Variants in SCAMP4 observed in about 807,000 individuals in gnomAD.
SCAMP4 encodes secretory carrier membrane protein 4, also known as secretory carrier-associated membrane protein 4.
Under a neutral mutation model 32.1 loss-of-function variants are expected in SCAMP4, and 19 were observed. The observed-to-expected ratio is 0.59, with a 90% CI of 0.41 to 0.87. The LOEUF (loss-of-function observed/expected upper bound fraction) is 0.87. Among genes scored for constraint, SCAMP4 ranks in the 40% least tolerant of loss-of-function variants. SCAMP4 has a pLI of 0.00. For synonymous variants in SCAMP4, 152 were observed against 132.7 expected (o/e 1.15, Z -1.00); for missense variants, 302 against 309.0 (o/e 0.98, Z 0.17).
chr19:1,923,720 G>A (rs944440374), intron 6 of SCAMP4, among the ~76,000 whole-genome samples: 11 of 143,144 alleles, frequency 7.7e-5, no homozygotes, highest in African/African-American at 1.3e-4. Context: ...TGGGGTTCAT[G>A]CCATTCTCCT....
intron 1 of SCAMP4, chr19:1,912,819 G>T (rs748606302): frequency 6.3e-7 from 1 of 1,588,452 alleles, no homozygotes; most frequent in Non-Finnish European, 8.5e-7. Context: ...CGGCACCTAC[G>T]ACTTCAGACC....
chr19:1,912,606 G>A (rs926163232), intron 1 of SCAMP4: 1 of 1,483,970 alleles, frequency 6.7e-7, no homozygotes, highest in Middle Eastern at 1.8e-4. Flanking sequence ...GCAGGAGCGC[G>A]CCGCCATGCA....
Position 1,923,868 on chromosome 19 carries a change from T to A in SCAMP4, c.514-240T>A, listed in dbSNP as rs563835263. ...TCTCAATCTCCTGACCTCGTGATCC[T>A]CCCGCCTCGGCCTCCCGAAGTGCTG... On this transcript the variant is annotated intron_variant, in intron 6 of 6. Transcript: ENST00000316097. Among the ~76,000 whole-genome samples, 14 of 117,120 alleles carry A rather than the reference T, an allele frequency of 1.2e-4. 2 individuals are homozygous for A. In the South Asian group the frequency reaches 2.7e-3, roughly 22 times the overall value. The allele number at this position is 117,120 out of a possible 152,430, so 76.8% of individuals were successfully genotyped here.
At chr19:1,917,640 G>A (rs745652244) in intron 2 of SCAMP4, 54 bp from the exon 3 acceptor site, 45 of 1,608,956 alleles carry the variant, frequency 2.8e-5, no homozygotes, top group Non-Finnish European at 3.7e-5. Context: ...ATGAGGTGGG[G>A]CCTCCTTCAA....
At position 1,908,296 on chromosome 19, in the gene SCAMP4, C is replaced by G; in HGVS notation, c.-42+2857C>G. 1 of 328,162 alleles carries G rather than the reference C, an allele frequency of 3.0e-6. No homozygotes were observed. Among genetic ancestry groups the G allele is most frequent in the South Asian group, 2.2e-5 (1 of 44,606 alleles). 20.3% of individuals were successfully genotyped at this position (328,162 alleles called of 1,614,324 possible). On this transcript the variant is annotated intron_variant, in intron 1 of 6. Coordinates refer to ENST00000316097, the MANE Select transcript of SCAMP4 (RefSeq NM_079834.4). This position sits in a 1 kb window ranked among gnomAD's most constrained non-coding sequence, Gnocchi z 4.2. ...CTCCGGTTCTGTGCTTTGTTGAACG[C>G]GTGAGCTTCGGGCAGCGCTGGGGCC...
At chr19:1,905,970 G>C (rs753283298) in intron 1 of SCAMP4, 13 of 152,222 alleles carry the variant, frequency 8.5e-5, no homozygotes, top group Non-Finnish European at 1.3e-4. Flanking sequence ...CAGGCCCCCA[G>C]TTATCTCCCA....
rs1185542395 is a variant in SCAMP4, at chr19:1,912,677, C to T, written c.-41-2302C>T. 3.5e-6 allele frequency: 5 copies of T among 1,442,792 alleles called. No homozygotes were observed. The South Asian group carries it at 4.2e-5, about 12-fold the overall frequency. 89.4% of individuals were successfully genotyped at this position (1,442,792 alleles called of 1,614,324 possible). A position where few individuals can be genotyped will look rare whatever the true frequency, so the allele number is the denominator to read the frequency against. On this transcript the variant is annotated intron_variant, in intron 1 of 6. Transcript: ENST00000316097. ...GGGCAGCAGCGCGGGGCTTGCGGGC[C>T]GTGGGGGCCGTGGTAGTGGACCCGG...
At chr19:1,915,428 G>A (rs1599247654) in intron 2 of SCAMP4, 2 of 253,860 alleles carry the variant, frequency 7.9e-6, no homozygotes, top group South Asian at 5.4e-5. Flanking sequence ...TCTGGCCCTC[G>A]CAGGCGCCCA....
chr19:1,910,979 C>G lies in SCAMP4; in HGVS notation c.-41-4000C>G, dbSNP rs1308008818. Among the ~76,000 whole-genome samples, 3 of 151,756 alleles carry G rather than the reference C, an allele frequency of 2.0e-5. No individual in the cohort carries two copies. In the East Asian group the frequency reaches 5.8e-4, roughly 29 times the overall value. ...CCTCCCAGGTTCAACCTTCTGGGTT[C>G]TCCTGCAAGCCTCAGCCTCCCTAGT... On this transcript the variant is annotated intron_variant, in intron 1 of 6. Coordinates refer to ENST00000316097, the MANE Select transcript of SCAMP4 (RefSeq NM_079834.4).
chr19:1,918,385 C>T, intron 4 of SCAMP4, 102 bp downstream of exon 4: 1 of 1,287,918 alleles, frequency 7.8e-7, no homozygotes, highest in South Asian at 1.6e-5. Flanking sequence ...TTTCTCTGCC[C>T]AGTGTGAAAG....
chr19:1,915,133 G>C (rs968130945), intron 2 of SCAMP4, 107 bp downstream of exon 2: 3 of 1,326,454 alleles, frequency 2.3e-6, no homozygotes, highest in Non-Finnish European at 3.2e-6. Context: ...GTGTCCTCCT[G>C]GCCCACCTGG....
chr19:1,923,018 G>A (rs1427850214), intron 5 of SCAMP4, 52 bp from the exon 6 acceptor site: 1 of 1,483,464 alleles, frequency 6.7e-7, no homozygotes, highest in African/African-American at 1.4e-5. Flanking sequence ...CGGACCATGG[G>A]CCCTCATCCA....
rs184288892 is a variant in SCAMP4 at position 1,914,927 on chromosome 19, G to A, written c.-41-52G>A. The A allele has an allele frequency of 1.1e-3, 1,595 of 1,494,640 alleles. 5 individuals carry two copies. The highest frequency in any genetic ancestry group is 1.0e-3 in the Middle Eastern group (6 of 5,834). 92.6% of individuals were successfully genotyped at this position (1,494,640 alleles called of 1,614,324 possible). A position where few individuals can be genotyped will look rare whatever the true frequency, so the allele number is the denominator to read the frequency against. The stretch of plus-strand genomic sequence containing the variant: ...CAGCCACGGTGGGTGGGTGGTTAGC[G>A]CTCTGCCCAGGGCAGCTCAGGGTTC... On this transcript the variant is annotated intron_variant, in intron 1 of 6. Transcript: ENST00000316097.
At chr19:1,923,962 G>T in intron 6 of SCAMP4, 146 bp from the exon 7 acceptor site, 1 of 282,288 alleles carries the variant, frequency 3.5e-6, no homozygotes, top group Non-Finnish European at 7.7e-6. Context: ...GTTTCACCAT[G>T]TTGTTTGGAC....
chr19:1,914,250 CA>C (rs377205638), intron 1 of SCAMP4, among the ~76,000 whole-genome samples: 4 of 152,270 alleles, frequency 2.6e-5, no homozygotes, highest in African/African-American at 9.6e-5. Flanking sequence ...TCCCAAGAGC[CA>C]GGGGTGCCCC....
chr19:1,917,864 G>A, intron 3 of SCAMP4, 42 bp downstream of exon 3: 2 of 1,610,464 alleles, frequency 1.2e-6, no homozygotes, highest in Non-Finnish European at 8.5e-7. Flanking sequence ...CGGGAGGCAG[G>A]GCTCCCCGAG....
intron 1 of SCAMP4, chr19:1,913,183 C>G (rs1357624765): frequency 6.8e-7 from 1 of 1,479,412 alleles, no homozygotes; most frequent in Non-Finnish European, 9.0e-7. Context: ...ACCCTTCCCG[C>G]TCCCGGCCGT....
Position 1,917,789 on chromosome 19 carries a change from G to C in SCAMP4, c.103G>C (p.Val35Leu). 1 of 1,614,044 alleles carries C rather than the reference G, an allele frequency of 6.2e-7. No homozygotes were observed. Residue 35 changes from valine (V) to leucine (L), a missense_variant, in exon 3 of 7, where the codon GTC (valine) becomes CTC (leucine). Coordinates refer to ENST00000316097, the MANE Select transcript of SCAMP4 (RefSeq NM_079834.4). ...FSDEIPVEHQ[V>L]LVKRIYRLWM... ...CGACGAGATCCCAGTGGAGCACCAG[G>C]TCCTGGTGAAGAGGATCTACCGGCT... is the stretch of plus-strand genomic sequence containing the variant.
Position 1,924,719 on chromosome 19 carries a change from G to A in SCAMP4, c.*435G>A, listed in dbSNP as rs544590987. The A allele has an allele frequency of 4.3e-5, 9 of 209,850 alleles. No individual in the cohort carries two copies. Among genetic ancestry groups the A allele is most frequent in the East Asian group, 2.1e-4 (2 of 9,444 alleles). 13.0% of individuals were successfully genotyped at this position (209,850 alleles called of 1,614,324 possible). A position where few individuals can be genotyped will look rare whatever the true frequency, so the allele number is the denominator to read the frequency against. On this transcript the variant is annotated 3_prime_UTR_variant, in exon 7 of 7. Transcript: ENST00000316097. ...AGCTCCGTCTCACCGGCCACCCGCC[G>A]TCACCATGGCAGATGCCCTTGGCCG... is the stretch of plus-strand genomic sequence containing the variant.
Sources: gnomAD v4.1 joint callset for allele counts (sites outside exome capture counted in the v4.1 genomes callset) on GRCh38, gnomAD v4.1.1 for gene constraint, Gnocchi (gnomAD v3.1) non-coding constraint, MANE v1.5 for transcripts, NCBI Gene and HGNC (gene_info 2026-07-23, HGNC 2026-07-21) for gene names.